The following STAG1 variants were observed in gnomAD, a reference collection of about 807,000 sequenced individuals.
The protein encoded by STAG1 is cohesin subunit SA-1.
STAG1 carries 26 observed loss-of-function variants against 170.9 expected under a neutral mutation model. The ratio of observed to expected loss-of-function variants is 0.15; its 90% CI spans 0.11 to 0.21. The LOEUF (loss-of-function observed/expected upper bound fraction) is 0.21. STAG1 is among the 10% of genes least tolerant of loss of function. STAG1 has a pLI of 1.00. For synonymous variants in STAG1, 514 were observed against 497.7 expected (o/e 1.03, Z -0.44); for missense variants, 964 against 1,509.5 (o/e 0.64, Z 5.99).
At chr3:136,705,535 G>C (rs1488648825) in intron 1 of STAG1, among the ~76,000 whole-genome samples, 2 of 152,020 alleles carry the variant, frequency 1.3e-5, no homozygotes, top group Non-Finnish European at 2.9e-5. Flanking sequence ...CCCATGTATT[G>C]TAGGAAGGAA....
At chr3:136,674,478 G>A (rs906963786) in intron 1 of STAG1, among the ~76,000 whole-genome samples, 3 of 152,154 alleles carry the variant, frequency 2.0e-5, no homozygotes, top group African/African-American at 7.2e-5. Flanking sequence ...AAGCAGAACT[G>A]TGGTTGCCTG....
chr3:136,405,078 C>A (rs1338243479), intron 21 of STAG1, among the ~76,000 whole-genome samples: 2 of 151,802 alleles, frequency 1.3e-5, no homozygotes, highest in East Asian at 3.9e-4. Flanking sequence ...TGTCTGATAG[C>A]CAATATTGGT....
chr3:136,462,404 G>A (rs1268729905), intron 13 of STAG1, among the ~76,000 whole-genome samples: 1 of 152,100 alleles, frequency 6.6e-6, no homozygotes. Context: ...GATGGAACTA[G>A]ATGACATTAT....
intron 29 of STAG1, among the ~76,000 whole-genome samples, chr3:136,344,656 C>A (rs575541322): frequency 6.6e-6 from 1 of 151,922 alleles, no homozygotes; most frequent in Admixed American, 6.6e-5. Context: ...CTCTGTCGCC[C>A]GGGCTGGAGT....
intron 22 of STAG1, among the ~76,000 whole-genome samples, chr3:136,386,353 A>G (rs2086873519): frequency 6.6e-6 from 1 of 152,152 alleles, no homozygotes; most frequent in African/African-American, 2.4e-5. Context: ...ATAAATAAAT[A>G]AAAATAAAAT....
At chr3:136,667,609 G>A (rs371613786) in intron 1 of STAG1, among the ~76,000 whole-genome samples, 53 of 152,208 alleles carry the variant, frequency 3.5e-4, no homozygotes, top group African/African-American at 1.0e-3. Flanking sequence ...TGATTCCCCT[G>A]CCGCAGCCTC....
At chr3:136,687,588 A>G (rs138769818) in intron 1 of STAG1, among the ~76,000 whole-genome samples, 1 of 152,306 alleles carries the variant, frequency 6.6e-6, no homozygotes, top group African/African-American at 2.4e-5. Context: ...GTTATAAAGT[A>G]AACTAAAGGT....
At chr3:136,471,091 A>G (rs111349190) in intron 12 of STAG1, among the ~76,000 whole-genome samples, 171 of 147,968 alleles carry the variant, frequency 1.2e-3, no homozygotes, top group African/African-American at 2.4e-3. Context: ...AAAGCTGCAC[A>G]TTGTGCACAT....
intron 23 of STAG1, among the ~76,000 whole-genome samples, chr3:136,369,928 GTTGT>G (rs1937231872): frequency 6.6e-6 from 1 of 152,142 alleles, no homozygotes; most frequent in African/African-American, 2.4e-5. Context: ...TTGTTGTGAT[GTTGT>G]TTGTGGTGAT....
chr3:136,538,696 AGGC>A (rs1935757723), intron 6 of STAG1, among the ~76,000 whole-genome samples: 1 of 152,122 alleles, frequency 6.6e-6, no homozygotes, highest in African/African-American at 2.4e-5. Context: ...CTGGGATTAC[AGGC>A]GTAAGCCACC....
intron 1 of STAG1, among the ~76,000 whole-genome samples, chr3:136,724,220 G>A (rs1933524369): frequency 6.6e-6 from 1 of 151,900 alleles, no homozygotes; most frequent in African/African-American, 2.4e-5. Context: ...TGTGTAGAAA[G>A]AGGTAGACAC....
chr3:136,596,407 G>A (rs1239914475), intron 4 of STAG1, among the ~76,000 whole-genome samples: 2 of 152,016 alleles, frequency 1.3e-5, no homozygotes, highest in East Asian at 1.9e-4. Flanking sequence ...ATTAAGGTAC[G>A]TACATTGGTT....
intron 8 of STAG1, among the ~76,000 whole-genome samples, chr3:136,501,527 C>A (rs899827445): frequency 1.3e-5 from 2 of 152,142 alleles, no homozygotes; most frequent in South Asian, 4.1e-4. Context: ...TGCCACCAGC[C>A]AAGCAACTAC....
At chr3:136,412,679 G>T (rs1366028049) in intron 21 of STAG1, among the ~76,000 whole-genome samples, 1 of 152,096 alleles carries the variant, frequency 6.6e-6, no homozygotes, top group Non-Finnish European at 1.5e-5. Context: ...CAAAACTCAA[G>T]TAAGAACATT....
At chr3:136,564,086 G>T (rs772519980) in intron 5 of STAG1, among the ~76,000 whole-genome samples, 6 of 151,718 alleles carry the variant, frequency 4.0e-5, no homozygotes, top group Non-Finnish European at 8.8e-5. Context: ...CTTTTTTACA[G>T]TAGCACAAAA....
chr3:136,425,708 G>GTT (rs2088100006), intron 16 of STAG1, among the ~76,000 whole-genome samples: 1 of 149,588 alleles, frequency 6.7e-6, no homozygotes, highest in African/African-American at 2.4e-5. Flanking sequence ...ATGTATGTAT[G>GTT]TTTATATATA....
intron 1 of STAG1, among the ~76,000 whole-genome samples, chr3:136,713,003 A>G (rs1035443150): frequency 6.6e-6 from 1 of 152,240 alleles, no homozygotes. Flanking sequence ...AGGCAGGAGA[A>G]CCACTTGGAA....
intron 30 of STAG1, among the ~76,000 whole-genome samples, chr3:136,343,062 T>A (rs967543767): frequency 6.6e-6 from 1 of 152,246 alleles, no homozygotes; most frequent in African/African-American, 2.4e-5. Flanking sequence ...CTTCTAACAC[T>A]GTCTCTATTT....
At chr3:136,400,484 G>A (rs2087291563) in intron 21 of STAG1, among the ~76,000 whole-genome samples, 1 of 151,804 alleles carries the variant, frequency 6.6e-6, no homozygotes, top group Non-Finnish European at 1.5e-5. Flanking sequence ...GCCTCCCAAA[G>A]TGCTAGGACC....
Sources: allele counts gnomAD v4.1 joint callset (sites outside exome capture counted in the v4.1 genomes callset), GRCh38; gene constraint gnomAD v4.1.1; transcripts MANE v1.5; gene names NCBI Gene and HGNC (gene_info 2026-07-23, HGNC 2026-07-21).